Variants in GNAQ observed in about 807,000 individuals in gnomAD.
GNAQ encodes G protein subunit alpha q.
A neutral mutation model predicts 43.9 loss-of-function variants in GNAQ; 8 were observed. That is an observed-to-expected ratio of 0.18 (90% confidence interval 0.11 to 0.33). The LOEUF (loss-of-function observed/expected upper bound fraction) is 0.33, where lower values mean the gene tolerates loss of function less well. Among genes scored for constraint, GNAQ ranks in the 10% least tolerant of loss-of-function variants. The pLI, the probability that GNAQ is intolerant of heterozygous loss-of-function variation, is 1.00. For synonymous variants in GNAQ, 155 were observed against 170.7 expected (o/e 0.91, Z 0.71); for missense variants, 158 against 450.8 (o/e 0.35, Z 5.88).
chr9:77,760,379 G>T (rs1311348309), intron 5 of GNAQ, among the ~76,000 whole-genome samples: 1 of 152,206 alleles, frequency 6.6e-6, no homozygotes, highest in East Asian at 1.9e-4. Context: ...ACTGGTTTTC[G>T]TATTTTTTTG....
intron 2 of GNAQ, among the ~76,000 whole-genome samples, chr9:77,920,300 G>T (rs1202764519): frequency 1.3e-5 from 2 of 152,088 alleles, no homozygotes; most frequent in South Asian, 4.1e-4. Flanking sequence ...ACAGGGCAAG[G>T]TCCTGAAGGA....
chr9:77,772,749 C>CT (rs748861750), intron 5 of GNAQ, among the ~76,000 whole-genome samples: 5 of 152,158 alleles, frequency 3.3e-5, no homozygotes, highest in Non-Finnish European at 4.4e-5. Flanking sequence ...AAAGCCATGA[C>CT]TAATACAAAC....
intron 1 of GNAQ, among the ~76,000 whole-genome samples, chr9:77,935,581 T>A (rs1323482881): frequency 6.6e-6 from 1 of 152,198 alleles, no homozygotes; most frequent in Non-Finnish European, 1.5e-5. Flanking sequence ...AGGTTATAAT[T>A]ACTCCAAAGC....
At chr9:77,954,886 T>C (rs1823023538) in intron 1 of GNAQ, among the ~76,000 whole-genome samples, 1 of 152,140 alleles carries the variant, frequency 6.6e-6, no homozygotes, top group South Asian at 2.1e-4. Flanking sequence ...AGGAAGGCAA[T>C]AGTAGTCACC....
At chr9:77,839,265 C>T (rs73653009) in intron 2 of GNAQ, among the ~76,000 whole-genome samples, 19 of 152,322 alleles carry the variant, frequency 1.2e-4, no homozygotes, top group African/African-American at 3.6e-4. Flanking sequence ...TCAATTTTTA[C>T]AGTAAAATGG....
rs539185597 is a variant in GNAQ at position 77,733,323 on chromosome 9, T to C, written c.736-4656A>G. 2.2e-3 allele frequency among the ~76,000 whole-genome samples: 334 copies of C among 152,334 alleles called. 1 individual carries two copies. The highest frequency in any genetic ancestry group is 3.4e-3 in the Non-Finnish European group (233 of 68,034). ...ATCTCCGATATCCTGAACACATTGC[T>C]TTTTAATGCATTTCCCTGTTAACAT... is the stretch of plus-strand genomic sequence containing the variant. On this transcript the variant is annotated intron_variant, in intron 5 of 6. Transcript: ENST00000286548.
intron 1 of GNAQ, among the ~76,000 whole-genome samples, chr9:77,986,224 C>T (rs1446687865): frequency 6.6e-6 from 1 of 152,292 alleles, no homozygotes; most frequent in Admixed American, 6.5e-5. Flanking sequence ...TCCCATCCAA[C>T]AGAATCCTGT....
intron 2 of GNAQ, among the ~76,000 whole-genome samples, chr9:77,822,933 G>GTT (rs879529744): frequency 4.2e-5 from 6 of 144,444 alleles, no homozygotes; most frequent in African/African-American, 7.6e-5. Context: ...TTTAGAAGTT[G>GTT]TTTTTTTTTT....
intron 1 of GNAQ, among the ~76,000 whole-genome samples, chr9:77,930,008 T>C (rs570352809): frequency 6.6e-6 from 1 of 152,336 alleles, no homozygotes; most frequent in South Asian, 2.1e-4. Flanking sequence ...TAACACATTT[T>C]GAGCAATTCT....
At chr9:77,968,535 C>A (rs910965219) in intron 1 of GNAQ, among the ~76,000 whole-genome samples, 2 of 151,966 alleles carry the variant, frequency 1.3e-5, no homozygotes, top group African/African-American at 4.8e-5. Context: ...AATAGCAAAG[C>A]AAAAAAGTAA....
chr9:77,743,735 C>T (rs934366755), intron 5 of GNAQ, among the ~76,000 whole-genome samples: 14 of 151,912 alleles, frequency 9.2e-5, no homozygotes, highest in Admixed American at 5.2e-4. Context: ...ATAAGCTGTA[C>T]GGTTTTATTC....
intron 1 of GNAQ, among the ~76,000 whole-genome samples, chr9:78,016,367 A>G (rs1032876002): frequency 2.0e-5 from 3 of 152,172 alleles, no homozygotes; most frequent in African/African-American, 4.8e-5. Flanking sequence ...ATCTTTCCAT[A>G]AAGAAAACCA....
chr9:78,009,869 A>C (rs1823753069), intron 1 of GNAQ, among the ~76,000 whole-genome samples: 1 of 152,236 alleles, frequency 6.6e-6, no homozygotes, highest in African/African-American at 2.4e-5. Flanking sequence ...AAAATGCAGA[A>C]GACTATGTAC....
chr9:77,969,173 C>T (rs1823205882), intron 1 of GNAQ, among the ~76,000 whole-genome samples: 1 of 152,136 alleles, frequency 6.6e-6, no homozygotes, highest in Non-Finnish European at 1.5e-5. Flanking sequence ...GCCAAGCAGC[C>T]CATTCAGTCT....
intron 2 of GNAQ, among the ~76,000 whole-genome samples, chr9:77,848,253 A>G (rs1827617983): frequency 6.6e-6 from 1 of 152,230 alleles, no homozygotes; most frequent in South Asian, 2.1e-4. Context: ...CCCCCTCAGT[A>G]AAGTTGAAAG....
chr9:77,923,205 C>A (rs2118280493), intron 1 of GNAQ, among the ~76,000 whole-genome samples: 1 of 152,212 alleles, frequency 6.6e-6, no homozygotes, highest in African/African-American at 2.4e-5. Flanking sequence ...CTAGATAACA[C>A]ATATCCCCTG....
intron 5 of GNAQ, among the ~76,000 whole-genome samples, chr9:77,789,710 T>C (rs760058993): frequency 8.5e-5 from 13 of 152,174 alleles, no homozygotes; most frequent in Non-Finnish European, 1.6e-4. Flanking sequence ...TCGGCCTTTT[T>C]CACATAATTC....
intron 2 of GNAQ, among the ~76,000 whole-genome samples, chr9:77,896,533 T>C (rs1235421570): frequency 1.3e-5 from 2 of 152,088 alleles, no homozygotes; most frequent in Admixed American, 1.3e-4. Context: ...ACAACGACAA[T>C]GCCAACTGTC....
chr9:77,732,510 T>C (rs1587888269), intron 5 of GNAQ, among the ~76,000 whole-genome samples: 1 of 151,916 alleles, frequency 6.6e-6, no homozygotes, highest in African/African-American at 2.4e-5. Context: ...GGACTACAGG[T>C]GTCCGCCACC....
Sources: allele counts gnomAD v4.1 joint callset (sites outside exome capture counted in the v4.1 genomes callset), GRCh38; gene constraint gnomAD v4.1.1; transcripts MANE v1.5; gene names NCBI Gene and HGNC (gene_info 2026-07-23, HGNC 2026-07-21).